TPBG: variants seen among roughly 807,000 people sequenced by gnomAD.
The protein encoded by TPBG is trophoblast glycoprotein, also known as 5T4 oncofetal antigen.
In TPBG, 13 loss-of-function variants were observed where a neutral mutation model predicts 19.3. The ratio of observed to expected loss-of-function variants is 0.67; its 90% CI spans 0.44 to 1.07. TPBG has a LOEUF of 1.07. TPBG is among the 50% of genes least tolerant of loss of function. The pLI is 0.00. For missense variants in TPBG, 642 were observed against 559.6 expected, an observed-to-expected ratio of 1.15 and a Z score of -1.49; for synonymous variants, 338 against 259.8, an observed-to-expected ratio of 1.30 and a Z score of -2.89.
Position 82,365,098 on chromosome 6 carries a change from C to T in TPBG, c.137C>T (p.Pro46Leu). 1 of 1,580,070 alleles carries T rather than the reference C, an allele frequency of 6.3e-7. No individual in the cohort carries two copies. The highest frequency in any genetic ancestry group is 8.6e-7 in the Non-Finnish European group (1 of 1,163,166). The stretch of plus-strand genomic sequence containing the variant: ...GCATCCTCCTTCTCCTCCTCGGCGC[C>T]GTTCCTGGCTTCCGCCGTGTCCGCC... The part of the protein sequence containing the change: ...SSASSFSSSA[P>L]FLASAVSAQP... The change falls in exon 2 of 2, where the codon CCG becomes CTG. Residue 46 changes from proline (P) to leucine (L), a missense_variant. Transcript: ENST00000369750.
In TPBG at chr6:82,364,965, C is replaced by G. The variant is rs1020301574; in HGVS notation, c.4C>G (p.Pro2Ala). M[P>A]GGCSRGPAAG... ...CTCCGGGGAAACGCGAGCCGCGATGCCTGGGGGGTGCTCCCGGGGCCCCGC... is the reference window on the plus strand; with the variant it reads ...CTCCGGGGAAACGCGAGCCGCGATGGCTGGGGGGTGCTCCCGGGGCCCCGC... The change falls in exon 2 of 2, where the codon CCT (proline) becomes GCT (alanine). Residue 2 changes from proline (P) to alanine (A), a missense_variant. Transcript: ENST00000369750. The G allele has an allele frequency of 2.0e-6, 3 of 1,503,326 alleles. No homozygotes were observed. The African/African-American group carries it at 4.3e-5, about 22-fold the overall frequency. The allele number at this position is 1,503,326 out of a possible 1,614,324, so 93.1% of individuals were successfully genotyped here.
At position 82,365,590 on chromosome 6, in the gene TPBG, A is replaced by G; in HGVS notation, c.629A>G (p.Gln210Arg). Residue 210 changes from glutamine (Q) to arginine (R), a missense_variant, in exon 2 of 2, where the codon CAG (glutamine) becomes CGG (arginine). Transcript: ENST00000369750. ...VAALLAGRAL[Q>R]GLRRLELASN... is the part of the protein sequence containing the mutation. Reference sequence around the variant, plus strand: ...GCCCTGCTGGCGGGCCGTGCACTGCAGGGGCTCCGCCGCTTGGAGCTGGCC... The same window carrying G: ...GCCCTGCTGGCGGGCCGTGCACTGCGGGGGCTCCGCCGCTTGGAGCTGGCC... 1.3e-6 allele frequency: 2 copies of G among 1,597,158 alleles called. No homozygotes were observed. The highest frequency in any genetic ancestry group is 2.3e-5 in the South Asian group (2 of 87,782).
Position 82,365,451 on chromosome 6 carries a change from G to A in TPBG, c.490G>A (p.Gly164Ser), listed in dbSNP as rs771021348. The A allele has an allele frequency of 1.9e-6, 3 of 1,611,072 alleles. No individual in the cohort carries two copies. Among genetic ancestry groups the A allele is most frequent in the Non-Finnish European group, 8.5e-7 (1 of 1,178,906 alleles). ...LADLSPFAFSGSNASVSAPSP... is the reference protein window; with the variant it reads ...LADLSPFAFSSSNASVSAPSP... ...CGACCTCAGTCCCTTCGCTTTCTCG[G>A]GCAGCAATGCCAGCGTCTCGGCCCC... The change falls in exon 2 of 2, where the codon GGC becomes AGC. Residue 164 changes from glycine (G) to serine (S), a missense_variant. Coordinates refer to ENST00000369750, the MANE Select transcript of TPBG (RefSeq NM_001376922.1).
Position 82,365,643 on chromosome 6 carries a change from G to T in TPBG, c.682G>T (p.Asp228Tyr). The T allele has an allele frequency of 6.2e-7, 1 of 1,605,244 alleles. No homozygotes were observed. The highest frequency in any genetic ancestry group is 8.5e-7 in the Non-Finnish European group (1 of 1,175,380). Reference protein sequence around the residue: ...ASNHFLYLPRDVLAQLPSLRH... With the variant: ...ASNHFLYLPRYVLAQLPSLRH... ...CAACCACTTCCTTTACCTGCCGCGG[G>T]ATGTGCTGGCCCAACTGCCCAGCCT... The change falls in exon 2 of 2, where the codon GAT (aspartate) becomes TAT (tyrosine). Residue 228 changes from aspartate to tyrosine, a missense_variant. Transcript: ENST00000369750.
At position 82,365,789 on chromosome 6, in the gene TPBG, C is replaced by T; in HGVS notation, c.828C>T (p.Gly276=). The change falls in exon 2 of 2, where the codon GGC becomes GGT. Residue 276 remains glycine, a synonymous_variant. Coordinates refer to ENST00000369750, the MANE Select transcript of TPBG (RefSeq NM_001376922.1). ...EDNALKVLHN[G]TLAELQGLPH... is the part of the protein sequence containing the mutation. ...ATGCCCTCAAGGTCCTTCACAATGG[C>T]ACCCTGGCTGAGTTGCAAGGTCTAC... 1 of 1,614,202 alleles carries T rather than the reference C, an allele frequency of 6.2e-7. No homozygotes were observed. Among genetic ancestry groups the T allele is most frequent in the Non-Finnish European group, 8.5e-7 (1 of 1,180,040 alleles).
upstream of TPBG, chr6:82,363,791 T>G (rs1767386917): frequency 6.6e-6 from 1 of 152,312 alleles, no homozygotes; most frequent in Non-Finnish European, 1.5e-5. Context: ...CTGCGGAGGT[T>G]GGGAGGTTGG....
chr6:82,365,537 C>G lies in TPBG; in HGVS notation c.576C>G (p.Asn192Lys), dbSNP rs771670679. Residue 192 changes from asparagine to lysine, a missense_variant, in exon 2 of 2, where the codon AAC (asparagine) becomes AAG (lysine). By Grantham distance (94) the Asn-to-Lys change is moderately conservative. Transcript: ENST00000369750. ...TGCCCCCTGAAGATGAGCGGCAGAACCGGAGCTTCGAGGGCATGGTGGTGG... is the reference window on the plus strand; with the variant it reads ...TGCCCCCTGAAGATGAGCGGCAGAAGCGGAGCTTCGAGGGCATGGTGGTGG... The part of the protein sequence containing the change: ...HIVPPEDERQ[N>K]RSFEGMVVAA... 1.3e-6 allele frequency: 2 copies of G among 1,575,410 alleles called. No individual in the cohort carries two copies. The highest frequency in any genetic ancestry group is 1.2e-5 in the South Asian group (1 of 83,886).
At position 82,365,249 on chromosome 6, in the gene TPBG, C is replaced by G. The variant is rs908823664; in HGVS notation, c.288C>G (p.Leu96=). ...PTDLPAYVRN[L]FLTGNQLAVL... ...ACCTGCCCGCCTACGTGCGCAACCT[C>G]TTCCTTACCGGCAACCAGCTGGCCG... is the stretch of plus-strand genomic sequence containing the variant. Residue 96 remains leucine, a synonymous_variant, in exon 2 of 2, where the codon CTC becomes CTG. Coordinates refer to ENST00000369750, the MANE Select transcript of TPBG (RefSeq NM_001376922.1). 3.3e-5 allele frequency: 53 copies of G among 1,585,896 alleles called. No individual in the cohort carries two copies. The highest frequency in any genetic ancestry group is 4.4e-5 in the Non-Finnish European group (52 of 1,172,972).
chr6:82,365,634 C>G lies in TPBG; in HGVS notation c.673C>G (p.Leu225Val), dbSNP rs1767476398. Reference sequence around the variant, plus strand: ...GCTGGCCAGCAACCACTTCCTTTACCTGCCGCGGGATGTGCTGGCCCAACT... The same window carrying G: ...GCTGGCCAGCAACCACTTCCTTTACGTGCCGCGGGATGTGCTGGCCCAACT... ...LELASNHFLY[L>V]PRDVLAQLPS... The change falls in exon 2 of 2, where the codon CTG (leucine) becomes GTG (valine). Residue 225 changes from leucine to valine, a missense_variant. Coordinates refer to ENST00000369750, the MANE Select transcript of TPBG (RefSeq NM_001376922.1). The G allele has an allele frequency of 1.1e-5, 17 of 1,605,050 alleles. No homozygotes were observed. Among genetic ancestry groups the G allele is most frequent in the Admixed American group, 1.7e-5 (1 of 59,432 alleles).
rs1181498315 is a variant in TPBG at position 82,365,384 on chromosome 6, G to T, written c.423G>T (p.Leu141=). The change falls in exon 2 of 2, where the codon CTG becomes CTT. Residue 141 remains leucine (L), a synonymous_variant. Coordinates refer to ENST00000369750, the MANE Select transcript of TPBG (RefSeq NM_001376922.1). ...TGCGCGCGGGCGCCTTCGAGCATCT[G>T]CCCAGCCTGCGCCAGCTCGACCTCA... is the stretch of plus-strand genomic sequence containing the variant. The part of the protein sequence containing the change: ...DEVRAGAFEH[L]PSLRQLDLSH... 6 of 1,598,428 alleles carry T rather than the reference G, an allele frequency of 3.8e-6. No homozygotes were observed. Among genetic ancestry groups the T allele is most frequent in the East Asian group, 2.3e-5 (1 of 43,820 alleles).
In TPBG at chr6:82,365,933, A is replaced by G. The variant is rs1183652909; in HGVS notation, c.972A>G (p.Ala324=). 7 of 1,614,182 alleles carry G rather than the reference A, an allele frequency of 4.3e-6. No individual in the cohort carries two copies. Among genetic ancestry groups the G allele is most frequent in the Non-Finnish European group, 5.9e-6 (7 of 1,180,026 alleles). Reference sequence around the variant, plus strand: ...AGGGCAAAGACCGGCTCACCTGTGCATATCCGGAAAAAATGAGGAATCGGG... The same window carrying G: ...AGGGCAAAGACCGGCTCACCTGTGCGTATCCGGAAAAAATGAGGAATCGGG... ...VVQGKDRLTC[A]YPEKMRNRVL... Residue 324 remains alanine, a synonymous_variant, in exon 2 of 2, where the codon GCA becomes GCG. Transcript: ENST00000369750.
At position 82,366,098 on chromosome 6, in the gene TPBG, G is replaced by T. The variant is rs1179044907; in HGVS notation, c.1137G>T (p.Lys379Asn). The T allele has an allele frequency of 6.2e-7, 1 of 1,614,190 alleles. No homozygotes were observed. The highest frequency in any genetic ancestry group is 8.5e-7 in the Non-Finnish European group (1 of 1,180,030). The stretch of plus-strand genomic sequence containing the variant: ...TCCTGGTTTTGTATTTGAACCGCAA[G>T]GGGATAAAAAAGTGGATGCATAACA... ...IFLLVLYLNRKGIKKWMHNIR... is the reference protein window; with the variant it reads ...IFLLVLYLNRNGIKKWMHNIR... The change falls in exon 2 of 2, where the codon AAG (lysine) becomes AAT (asparagine). Residue 379 changes from lysine to asparagine, a missense_variant. Transcript: ENST00000369750.
rs1224000858 is a variant in TPBG, at chr6:82,364,968, G to A, written c.7G>A (p.Gly3Arg). Residue 3 changes from glycine to arginine, a missense_variant, in exon 2 of 2, where the codon GGG becomes AGG. Physicochemically the swap from Gly to Arg is moderately radical, Grantham distance 125. Coordinates refer to ENST00000369750, the MANE Select transcript of TPBG (RefSeq NM_001376922.1). ...CGGGGAAACGCGAGCCGCGATGCCTGGGGGGTGCTCCCGGGGCCCCGCCGC... is the reference window on the plus strand; with the variant it reads ...CGGGGAAACGCGAGCCGCGATGCCTAGGGGGTGCTCCCGGGGCCCCGCCGC... Reference protein sequence around the residue: MPGGCSRGPAAGD... With the variant: MPRGCSRGPAAGD... 2.0e-6 allele frequency: 3 copies of A among 1,503,922 alleles called. No homozygotes were observed. Among genetic ancestry groups the A allele is most frequent in the Admixed American group, 2.2e-5 (1 of 45,862 alleles). 93.2% of individuals were successfully genotyped at this position (1,503,922 alleles called of 1,614,324 possible).
chr6:82,366,292 G>C lies in TPBG; in HGVS notation c.*68G>C. The C allele has an allele frequency of 6.7e-7, 1 of 1,497,954 alleles. No homozygotes were observed. The highest frequency in any genetic ancestry group is 1.4e-5 in the South Asian group (1 of 72,506). The allele number at this position is 1,497,954 out of a possible 1,614,324, so 92.8% of individuals were successfully genotyped here. On this transcript the variant is annotated 3_prime_UTR_variant, in exon 2 of 2. Coordinates refer to ENST00000369750, the MANE Select transcript of TPBG (RefSeq NM_001376922.1). The stretch of plus-strand genomic sequence containing the variant: ...TAGACTTAAGCTTTATCCCTACTAG[G>C]CTTGCTCCACTTTCATCCTCCACTA...
In TPBG at chr6:82,366,708, C is replaced by T. The variant is rs1767514021; in HGVS notation, c.*484C>T. On this transcript the variant is annotated 3_prime_UTR_variant, in exon 2 of 2. Coordinates refer to ENST00000369750, the MANE Select transcript of TPBG (RefSeq NM_001376922.1). ...GACGTTAGCAGGCTCTTCAAAATAA[C>T]TCCATGGTGCACAGGAGCACCTGCA... 1.2e-5 allele frequency: 2 copies of T among 168,032 alleles called. No homozygotes were observed. Among genetic ancestry groups the T allele is most frequent in the African/African-American group, 4.8e-5 (2 of 41,428 alleles). The allele number at this position is 168,032 out of a possible 1,614,324, so 10.4% of individuals were successfully genotyped here. A position where few individuals can be genotyped will look rare whatever the true frequency, so the allele number is the denominator to read the frequency against.
rs1170838118 is a variant in TPBG at position 82,366,817 on chromosome 6, AC to A, written c.*594del. The A allele has an allele frequency of 6.0e-6, 1 of 166,954 alleles. No homozygotes were observed. 10.3% of individuals were successfully genotyped at this position (166,954 alleles called of 1,614,324 possible). The stretch of plus-strand genomic sequence containing the variant: ...CATAACTTCTTTGACAAAGTAAATT[AC>A]TTTTTTGATTGCAGTTTATATGAAA... On this transcript the variant is annotated 3_prime_UTR_variant, in exon 2 of 2. Transcript: ENST00000369750.
In TPBG at chr6:82,367,025, GAATC is replaced by G. The variant is rs1767524022; in HGVS notation, c.*804_*807del. ...GATAATTATTACTTAACATAGCTGA[GAATC>G]AAACTGTAGCAATGTCTAATATAAA... is the stretch of plus-strand genomic sequence containing the variant. On this transcript the variant is annotated 3_prime_UTR_variant, in exon 2 of 2. Coordinates refer to ENST00000369750, the MANE Select transcript of TPBG (RefSeq NM_001376922.1). 6.0e-6 allele frequency: 1 copy of G among 167,004 alleles called. No individual in the cohort carries two copies. Among genetic ancestry groups the G allele is most frequent in the Admixed American group, 6.5e-5 (1 of 15,278 alleles). The allele number at this position is 167,004 out of a possible 1,614,324, so 10.3% of individuals were successfully genotyped here.
At position 82,364,731 on chromosome 6, in the gene TPBG, C is replaced by T. The variant is rs939739797; in HGVS notation, c.-231C>T. 1.4e-4 allele frequency: 63 copies of T among 451,350 alleles called. No homozygotes were observed. The Middle Eastern group carries it at 2.8e-3, about 20-fold the overall frequency. 28.0% of individuals were successfully genotyped at this position (451,350 alleles called of 1,614,324 possible). A position where few individuals can be genotyped will look rare whatever the true frequency, so the allele number is the denominator to read the frequency against. ...GGAGCGCGGAGCGGAGCGTCCCGAC[C>T]CGCCGTGCGTACTTTCTGGAGGGAA... On this transcript the variant is annotated 5_prime_UTR_variant, in exon 2 of 2. Transcript: ENST00000369750.
Position 82,365,199 on chromosome 6 carries a change from C to T in TPBG, c.238C>T (p.Arg80Cys), listed in dbSNP as rs143139849. The change falls in exon 2 of 2, where the codon CGC becomes TGC. Residue 80 changes from arginine (R) to cysteine (C), a missense_variant. By Grantham distance (180) the Arg-to-Cys change is radical (BLOSUM62 -3). Transcript: ENST00000369750. ...AGCGCGCACAGTCAAGTGCGTTAAC[C>T]GCAATCTGACCGAGGTGCCCACGGA... is the stretch of plus-strand genomic sequence containing the variant. ...EAARTVKCVN[R>C]NLTEVPTDLP... 6.9e-6 allele frequency: 11 copies of T among 1,596,586 alleles called. 1 individual carries two copies. The African/African-American group carries it at 1.4e-4, about 20-fold the overall frequency.
Sources: gnomAD v4.1 joint callset for allele counts on GRCh38, gnomAD v4.1.1 for gene constraint, MANE v1.5 for transcripts, NCBI Gene and HGNC (gene_info 2026-07-23, HGNC 2026-07-21) for gene names.